CADPS: variants seen among roughly 807,000 people sequenced by gnomAD.
The protein encoded by CADPS is calcium dependent secretion activator.
In CADPS, 57 loss-of-function variants were observed where a neutral mutation model predicts 167.3. The observed-to-expected ratio is 0.34, with a 90% CI of 0.28 to 0.42. CADPS has a LOEUF of 0.42. CADPS is among the 20% of genes least tolerant of loss of function. The pLI is 1.00. For missense variants in CADPS, 1,414 were observed against 1,738.1 expected, an observed-to-expected ratio of 0.81 and a Z score of 3.32; for synonymous variants, 676 against 635.3, an observed-to-expected ratio of 1.06 and a Z score of -0.96.
At chr3:62,731,192 A>G (rs2077713536) in intron 3 of CADPS, among the ~76,000 whole-genome samples, 1 of 152,204 alleles carries the variant, frequency 6.6e-6, no homozygotes, top group Non-Finnish European at 1.5e-5. Context: ...AGTCTCCTGT[A>G]TAAAAGTTGT....
At chr3:62,716,332 G>A (rs1212020517) in intron 3 of CADPS, among the ~76,000 whole-genome samples, 5 of 152,162 alleles carry the variant, frequency 3.3e-5, no homozygotes, top group Non-Finnish European at 5.9e-5. Context: ...GAGATTACAC[G>A]TGTGAGCCAT....
At chr3:62,566,586 G>A (rs833659) in intron 9 of CADPS, among the ~76,000 whole-genome samples, 106,849 of 152,028 alleles carry the variant, frequency 0.7, 40,696 homozygotes, top group Middle Eastern at 0.84. Context: ...ACTTAAATAG[G>A]GGAGAAGAAA....
At chr3:62,535,112 A>C (rs1427858756) in intron 12 of CADPS, among the ~76,000 whole-genome samples, 3 of 152,104 alleles carry the variant, frequency 2.0e-5, no homozygotes, top group Non-Finnish European at 4.4e-5. Context: ...TTAAGTTCAG[A>C]GGCACATTCT....
chr3:62,786,830 C>A (rs998706944), intron 1 of CADPS, among the ~76,000 whole-genome samples: 4 of 152,044 alleles, frequency 2.6e-5, no homozygotes, highest in African/African-American at 9.7e-5. Flanking sequence ...AACAAGAGAT[C>A]GACACTAGAA....
At chr3:62,872,868 A>G (rs1034180908) in intron 1 of CADPS, among the ~76,000 whole-genome samples, 1 of 152,200 alleles carries the variant, frequency 6.6e-6, no homozygotes. Context: ...AAGGAATGGA[A>G]TATTTTTGGC....
chr3:62,785,386 C>A (rs1484685802), intron 1 of CADPS, among the ~76,000 whole-genome samples: 1 of 152,232 alleles, frequency 6.6e-6, no homozygotes, highest in Non-Finnish European at 1.5e-5. Flanking sequence ...TTGTGCCACA[C>A]TGCAAACATT....
At chr3:62,670,906 C>T (rs1342775722) in intron 3 of CADPS, among the ~76,000 whole-genome samples, 1 of 152,126 alleles carries the variant, frequency 6.6e-6, no homozygotes, top group Non-Finnish European at 1.5e-5. Context: ...ATAGGAATTG[C>T]TAGCAAGCTT....
intron 2 of CADPS, among the ~76,000 whole-genome samples, chr3:62,757,281 CT>C (rs2084177847): frequency 6.6e-6 from 1 of 152,150 alleles, no homozygotes; most frequent in African/African-American, 2.4e-5. Context: ...GCCCCAGATT[CT>C]TTTTTCCTAA....
At chr3:62,728,152 G>A (rs969761718) in intron 3 of CADPS, among the ~76,000 whole-genome samples, 1 of 150,566 alleles carries the variant, frequency 6.6e-6, no homozygotes, top group Non-Finnish European at 1.5e-5. Flanking sequence ...AGTAATTGCG[G>A]TTTTTGCAAT....
chr3:62,546,623 G>T (rs944765800), intron 11 of CADPS, among the ~76,000 whole-genome samples: 2 of 152,054 alleles, frequency 1.3e-5, no homozygotes, highest in African/African-American at 4.8e-5. Context: ...TTCAACCAGC[G>T]GTGGATTGAA....
intron 3 of CADPS, among the ~76,000 whole-genome samples, chr3:62,721,996 AG>A (rs1362015829): frequency 6.6e-6 from 1 of 152,236 alleles, no homozygotes; most frequent in Non-Finnish European, 1.5e-5. Flanking sequence ...ATTAGCTGTC[AG>A]GTGCTAGAAA....
chr3:62,634,378 C>A (rs1159179022), intron 6 of CADPS, among the ~76,000 whole-genome samples: 1 of 152,148 alleles, frequency 6.6e-6, no homozygotes, highest in Non-Finnish European at 1.5e-5. Context: ...TACATGTTAA[C>A]ATGTTAATAC....
chr3:62,851,185 G>T lies in CADPS; in HGVS notation c.441+23404C>A, dbSNP rs1270515181. ...ATGTGTGTCTCTGCACGTGAGATGG[G>T]TTTCCTGAATACAGCACATTGATGG... On this transcript the variant is annotated intron_variant, in intron 1 of 29. Transcript: ENST00000383710. Among the ~76,000 whole-genome samples, 188 of 140,244 alleles carry T rather than the reference G, an allele frequency of 1.3e-3. 1 individual carries two copies. Among genetic ancestry groups the T allele is most frequent in the Non-Finnish European group, 2.4e-3 (156 of 64,504 alleles). 92.0% of individuals were successfully genotyped at this position (140,244 alleles called of 152,430 possible). A position where few individuals can be genotyped will look rare whatever the true frequency, so the allele number is the denominator to read the frequency against.
At position 62,582,655 on chromosome 3, in the gene CADPS, G is replaced by A. The variant is rs372295861; in HGVS notation, c.1577+2530C>T. Among the ~76,000 whole-genome samples, 78 of 152,250 alleles carry A rather than the reference G, an allele frequency of 5.1e-4. 1 individual carries two copies. In the Middle Eastern group the frequency reaches 0.017, roughly 33 times the overall value. ...CCCTGATTTAGGCCACGTTGGGTCC[G>A]ATGGTGTTATTAAGGCACTCACCGT... On this transcript the variant is annotated intron_variant, in intron 8 of 29. Transcript: ENST00000383710.
At chr3:62,549,659 GAT>G (rs2077025527) in intron 11 of CADPS, among the ~76,000 whole-genome samples, 1 of 152,062 alleles carries the variant, frequency 6.6e-6, no homozygotes, top group Non-Finnish European at 1.5e-5. Flanking sequence ...CCAAAACAGA[GAT>G]AAAAATCCAC....
chr3:62,487,410 A>C (rs2063004074), intron 21 of CADPS, among the ~76,000 whole-genome samples: 1 of 152,236 alleles, frequency 6.6e-6, no homozygotes, highest in Admixed American at 6.5e-5. Context: ...GATTGTGGGC[A>C]ACCTGCCCAA....
rs189506434 is a variant in CADPS, at chr3:62,775,123, T to C, written c.442-9139A>G. On this transcript the variant is annotated intron_variant, in intron 1 of 29. Transcript: ENST00000383710. ...TGTGATCTTGGCTCACTGCAACCTC[T>C]GCCTCCCAGGTTCAAGCGATTCTCA... 2.6e-5 allele frequency among the ~76,000 whole-genome samples: 4 copies of C among 152,186 alleles called. No homozygotes were observed. In the East Asian group the frequency reaches 7.7e-4, roughly 29 times the overall value.
intron 6 of CADPS, among the ~76,000 whole-genome samples, chr3:62,599,159 A>G (rs908848227): frequency 6.6e-6 from 1 of 152,086 alleles, no homozygotes; most frequent in African/African-American, 2.4e-5. Context: ...GAGGTGGATA[A>G]TATTTATTGC....
chr3:62,528,508 G>A (rs911803537), intron 13 of CADPS, among the ~76,000 whole-genome samples: 9 of 152,042 alleles, frequency 5.9e-5, no homozygotes, highest in African/African-American at 1.4e-4. Context: ...TTGCACCTTC[G>A]AAAACATTTT....
Sources: allele counts gnomAD v4.1 joint callset (sites outside exome capture counted in the v4.1 genomes callset), GRCh38; gene constraint gnomAD v4.1.1; transcripts MANE v1.5; gene names NCBI Gene and HGNC (gene_info 2026-07-23, HGNC 2026-07-21).